The following USP8 variants were observed in gnomAD, a reference collection of about 807,000 sequenced individuals.
USP8 encodes ubiquitin carboxyl-terminal hydrolase 8.
USP8 carries 27 observed loss-of-function variants against 130.0 expected under a neutral mutation model. The observed-to-expected ratio is 0.21, with a 90% CI of 0.15 to 0.29. The LOEUF (loss-of-function observed/expected upper bound fraction) is 0.29, where lower values mean the gene tolerates loss of function less well. Ranked by LOEUF, USP8 falls within the 10% of genes least tolerant of loss-of-function variation. The pLI is 1.00. For synonymous variants in USP8, 392 were observed against 444.1 expected (o/e 0.88, Z 1.48); for missense variants, 1,029 against 1,312.2 (o/e 0.78, Z 3.33).
chr15:50,459,096 G>T lies in USP8; in HGVS notation c.432G>T (p.Glu144Asp). 1 of 1,614,130 alleles carries T rather than the reference G, an allele frequency of 6.2e-7. No individual in the cohort carries two copies. Among genetic ancestry groups the T allele is most frequent in the South Asian group, 1.1e-5 (1 of 91,078 alleles). ...LQQKRQETGR[E>D]DGGTLAKGSL... is the part of the protein sequence containing the mutation. ...AAAAAAGGCAGGAAACAGGAAGAGA[G>T]GATGGTGGCACATTGGCTAAAGGCT... The change falls in exon 5 of 20, where the codon GAG becomes GAT. Residue 144 changes from glutamate to aspartate, a missense_variant. Around this residue, in one of 4 missense-constraint regions of USP8, gnomAD observed 281 missense variants for 336.7 expected, o/e 0.83. Coordinates refer to ENST00000307179, the MANE Select transcript of USP8 (RefSeq NM_005154.5).
In USP8 at chr15:50,506,982, A is replaced by G. The variant is rs2052671511; in HGVS notation, c.*7894A>G. ...CAAAAAAAAAAAAAAAAAAAAAAAAAAAAAAAAATCCAGTTTTAGGCCAAG... is the reference window on the plus strand; with the variant it reads ...CAAAAAAAAAAAAAAAAAAAAAAAAGAAAAAAAATCCAGTTTTAGGCCAAG... On this transcript the variant is annotated 3_prime_UTR_variant, in exon 20 of 20. Coordinates refer to ENST00000307179, the MANE Select transcript of USP8 (RefSeq NM_005154.5). 6.5e-6 allele frequency: 1 copy of G among 153,018 alleles called. No homozygotes were observed. The highest frequency in any genetic ancestry group is 1.4e-5 in the Non-Finnish European group (1 of 69,674). The allele number at this position is 153,018 out of a possible 1,614,324, so 9.5% of individuals were successfully genotyped here.
chr15:50,507,616 C>G lies in USP8; in HGVS notation c.*8528C>G, dbSNP rs1488660146. 1 of 152,036 alleles carries G rather than the reference C, an allele frequency of 6.6e-6. No homozygotes were observed. The highest frequency in any genetic ancestry group is 2.4e-5 in the African/African-American group (1 of 41,386). 9.4% of individuals were successfully genotyped at this position (152,036 alleles called of 1,614,324 possible). ...AAACAGACTTGTTAAAAACAAATGACAGAACTATAGGGAAGTTTTGACAAG... is the reference window on the plus strand; with the variant it reads ...AAACAGACTTGTTAAAAACAAATGAGAGAACTATAGGGAAGTTTTGACAAG... On this transcript the variant is annotated 3_prime_UTR_variant, in exon 20 of 20. Coordinates refer to ENST00000307179, the MANE Select transcript of USP8 (RefSeq NM_005154.5).
rs1343058564 is a variant in USP8 at position 50,505,429 on chromosome 15, T to C, written c.*6341T>C. 2 of 152,152 alleles carry C rather than the reference T, an allele frequency of 1.3e-5. No homozygotes were observed. The highest frequency in any genetic ancestry group is 6.5e-5 in the Admixed American group (1 of 15,274). 9.4% of individuals were successfully genotyped at this position (152,152 alleles called of 1,614,324 possible). A position where few individuals can be genotyped will look rare whatever the true frequency, so the allele number is the denominator to read the frequency against. On this transcript the variant is annotated 3_prime_UTR_variant, in exon 20 of 20. Coordinates refer to ENST00000307179, the MANE Select transcript of USP8 (RefSeq NM_005154.5). ...TCTGGAATTTGATTTCTAGTTATCA[T>C]CCAAGAATGAAAGTGAATTAAAGAC...
chr15:50,435,048 TGC>T (rs2050054828), intron 1 of USP8, among the ~76,000 whole-genome samples: 1 of 152,232 alleles, frequency 6.6e-6, no homozygotes, highest in African/African-American at 2.4e-5. Flanking sequence ...TTGTTGTTGC[TGC>T]TGCTGTTTTA....
intron 1 of USP8, among the ~76,000 whole-genome samples, chr15:50,431,421 A>T (rs1330309598): frequency 2.6e-5 from 4 of 152,098 alleles, no homozygotes; most frequent in Non-Finnish European, 5.9e-5. Context: ...AGAATTCTGG[A>T]TGGCTTCCAA....
At chr15:50,495,295 CATAT>C (rs2052343136) in intron 16 of USP8, among the ~76,000 whole-genome samples, 1 of 11,598 alleles carries the variant, frequency 8.6e-5, no homozygotes, top group Non-Finnish European at 1.9e-4. Flanking sequence ...TACATATATA[CATAT>C]ATACGTGTAT....
At chr15:50,457,961 CTT>C (rs1250107054) in intron 4 of USP8, among the ~76,000 whole-genome samples, 1 of 151,686 alleles carries the variant, frequency 6.6e-6, no homozygotes, top group Non-Finnish European at 1.5e-5. Flanking sequence ...ATTGATTCGT[CTT>C]TTACTAATTA....
chr15:50,459,190 A>T (rs1455793682), intron 5 of USP8, 28 bp downstream of exon 5: 2 of 1,589,276 alleles, frequency 1.3e-6, no homozygotes, highest in Non-Finnish European at 1.7e-6. Context: ...TGTGAGTTAA[A>T]AGACTGTTTC....
intron 1 of USP8, 53 bp from the exon 2 acceptor site, chr15:50,438,948 ACTGCTCAC>A: frequency 3.0e-6 from 2 of 656,806 alleles, no homozygotes; most frequent in Admixed American, 6.8e-5. Context: ...TTTTTTTTAA[ACTGCTCAC>A]TTGTTTTATT....
At chr15:50,492,262 C>T (rs2141320223) in intron 14 of USP8, among the ~76,000 whole-genome samples, 1 of 152,302 alleles carries the variant, frequency 6.6e-6, no homozygotes, top group Admixed American at 6.5e-5. Flanking sequence ...CCCTTGATAT[C>T]TACTCCACGG....
intron 4 of USP8, among the ~76,000 whole-genome samples, chr15:50,454,534 C>T (rs139940324): frequency 4.6e-4 from 69 of 150,942 alleles, no homozygotes; most frequent in African/African-American, 1.7e-3. Flanking sequence ...TGGCTTGCTG[C>T]AGCCTCCACC....
At chr15:50,489,086 TTC>T (rs2052067111) in intron 12 of USP8, among the ~76,000 whole-genome samples, 1 of 152,150 alleles carries the variant, frequency 6.6e-6, no homozygotes, top group Non-Finnish European at 1.5e-5. Context: ...CGTTTTTGTT[TTC>T]TATTAATTTT....
intron 10 of USP8, among the ~76,000 whole-genome samples, chr15:50,478,721 G>A (rs186882248): frequency 6.6e-6 from 1 of 152,202 alleles, no homozygotes; most frequent in Non-Finnish European, 1.5e-5. Flanking sequence ...TATGAGATAC[G>A]TACAATTTTC....
intron 5 of USP8, among the ~76,000 whole-genome samples, chr15:50,460,792 T>C (rs943976130): frequency 2.6e-5 from 4 of 152,304 alleles, no homozygotes; most frequent in Admixed American, 2.6e-4. Context: ...AAATTTCTGC[T>C]TTGATTTTTT....
Position 50,462,182 on chromosome 15 carries a change from T to G in USP8, c.499-98T>G, listed in dbSNP as rs113863578. On this transcript the variant is annotated intron_variant, in intron 5 of 19. Transcript: ENST00000307179. The stretch of plus-strand genomic sequence containing the variant: ...AAAGGCCAGTACTCTGCACAGTTCG[T>G]TTCTTAGAGTTTCCATTTAAGAGAA... The G allele has an allele frequency of 9.1e-4, 933 of 1,020,426 alleles. 1 individual carries two copies. Among genetic ancestry groups the G allele is most frequent in the Non-Finnish European group, 1.3e-3 (896 of 683,360 alleles). 63.2% of individuals were successfully genotyped at this position (1,020,426 alleles called of 1,614,324 possible).
chr15:50,475,908 A>G (rs1270148014), intron 8 of USP8, among the ~76,000 whole-genome samples: 1 of 151,878 alleles, frequency 6.6e-6, no homozygotes, highest in African/African-American at 2.4e-5. Context: ...CGACCAATAT[A>G]TTTATATATA....
At position 50,500,901 on chromosome 15, in the gene USP8, T is replaced by C. The variant is rs3803374; in HGVS notation, c.*1813T>C. 1.1e-5 allele frequency: 14 copies of C among 1,279,588 alleles called. No individual in the cohort carries two copies. In the East Asian group the frequency reaches 3.3e-4, roughly 30 times the overall value. The allele number at this position is 1,279,588 out of a possible 1,614,324, so 79.3% of individuals were successfully genotyped here. ...TGAACACTAACTACTGGAACAGAAATGATAGGGCCAAGAGATGCTTTTTAA... is the reference window on the plus strand; with the variant it reads ...TGAACACTAACTACTGGAACAGAAACGATAGGGCCAAGAGATGCTTTTTAA... On this transcript the variant is annotated 3_prime_UTR_variant, in exon 20 of 20. Coordinates refer to ENST00000307179, the MANE Select transcript of USP8 (RefSeq NM_005154.5).
At chr15:50,469,978 T>C (rs2051324145) in intron 7 of USP8, among the ~76,000 whole-genome samples, 1 of 152,032 alleles carries the variant, frequency 6.6e-6, no homozygotes, top group Non-Finnish European at 1.5e-5. Context: ...ACTCCAGTCA[T>C]GCACCACCAC....
chr15:50,482,739 T>A (rs2051819893), intron 11 of USP8, among the ~76,000 whole-genome samples: 1 of 152,208 alleles, frequency 6.6e-6, no homozygotes, highest in Admixed American at 6.5e-5. Flanking sequence ...CAAGTATATG[T>A]TTATAATACC....
Sources: allele counts gnomAD v4.1 joint callset (sites outside exome capture counted in the v4.1 genomes callset), GRCh38; gene constraint gnomAD v4.1.1; regional missense constraint gnomAD v4.1.1; transcripts MANE v1.5; gene names NCBI Gene and HGNC (gene_info 2026-07-23, HGNC 2026-07-21).